Variants in UPB1 observed in about 807,000 individuals in gnomAD.
The protein encoded by UPB1 is beta-ureidopropionase 1, also known as beta-ureidopropionase.
Under a neutral mutation model 49.1 loss-of-function variants are expected in UPB1, and 40 were observed. The observed-to-expected ratio is 0.81, with a 90% CI of 0.63 to 1.06. UPB1 has a LOEUF of 1.06. Among genes scored for constraint, UPB1 ranks in the 50% least tolerant of loss-of-function variants. The probability of loss-of-function intolerance (pLI) is 0.00; values close to 1 mark genes in which losing one functional copy is unlikely to be tolerated. For synonymous variants in UPB1, 207 were observed against 198.2 expected, an observed-to-expected ratio of 1.04 and a Z score of -0.38; for missense variants, 499 against 505.9, an observed-to-expected ratio of 0.99 and a Z score of 0.13.
chr22:24,495,544 G>A, intron 1 of UPB1, 37 bp downstream of exon 1: 3 of 1,608,142 alleles, frequency 1.9e-6, no homozygotes, highest in Non-Finnish European at 2.6e-6. Flanking sequence ...GGGGTCTTGG[G>A]GCCACAGAGT....
In UPB1 at chr22:24,517,668, C is replaced by A. The variant is rs549250307; in HGVS notation, c.791+2298C>A. Among the ~76,000 whole-genome samples the A allele has an allele frequency of 1.4e-4, 21 of 152,336 alleles. No individual in the cohort carries two copies. In the East Asian group the frequency reaches 3.1e-3, roughly 22 times the overall value. On this transcript the variant is annotated intron_variant, in intron 6 of 9. Coordinates refer to ENST00000326010, the MANE Select transcript of UPB1 (RefSeq NM_016327.3). ...ATATAATTGCTATGTCCTCAGCAGCCTATTAGGCTTATTAAAAATGATTGA... is the reference window on the plus strand; with the variant it reads ...ATATAATTGCTATGTCCTCAGCAGCATATTAGGCTTATTAAAAATGATTGA...
chr22:24,496,264 G>A (rs1345395455), intron 1 of UPB1, among the ~76,000 whole-genome samples: 3 of 151,970 alleles, frequency 2.0e-5, no homozygotes, highest in Non-Finnish European at 4.4e-5. Flanking sequence ...CTAGCTACAT[G>A]GCAGGCTGAG....
In UPB1 at chr22:24,520,393, C is replaced by T; in HGVS notation, c.798C>T (p.Ser266=). The change falls in exon 7 of 10, where the codon TCC becomes TCT. Residue 266 remains serine, a synonymous_variant. Coordinates refer to ENST00000326010, the MANE Select transcript of UPB1 (RefSeq NM_016327.3). The stretch of plus-strand genomic sequence containing the variant: ...TCTTGGTCCTCTCTTACAGCGAGTC[C>T]CTGTGGCCCATCGAGGCCAGAAACG... ...PSATIGALSE[S]LWPIEARNAA... is the part of the protein sequence containing the mutation. The T allele has an allele frequency of 6.2e-7, 1 of 1,614,150 alleles. No individual in the cohort carries two copies. Among genetic ancestry groups the T allele is most frequent in the Non-Finnish European group, 8.5e-7 (1 of 1,180,006 alleles).
At chr22:24,506,209 C>G (rs1388659807) in intron 3 of UPB1, among the ~76,000 whole-genome samples, 1 of 147,722 alleles carries the variant, frequency 6.8e-6, no homozygotes, top group Admixed American at 6.8e-5. Context: ...TTAGTAGAGA[C>G]CAGGCTTCAC....
chr22:24,522,017 A>T lies in UPB1; in HGVS notation c.905A>T (p.Asp302Val). 2 of 1,613,994 alleles carry T rather than the reference A, an allele frequency of 1.2e-6. No homozygotes were observed. The highest frequency in any genetic ancestry group is 1.7e-6 in the Non-Finnish European group (2 of 1,180,004). Residue 302 changes from aspartate (D) to valine (V), a missense_variant, in exon 8 of 10, where the codon GAT becomes GTT. Coordinates refer to ENST00000326010, the MANE Select transcript of UPB1 (RefSeq NM_016327.3). ...TTCCCGAACGAGTTTACCTCGGGAGATGGAAAGAAAGGTATGTCCCATGAA... is the reference window on the plus strand; with the variant it reads ...TTCCCGAACGAGTTTACCTCGGGAGTTGGAAAGAAAGGTATGTCCCATGAA... ...EHFPNEFTSGDGKKAHQDFGY... is the reference protein window; with the variant it reads ...EHFPNEFTSGVGKKAHQDFGY...
Position 24,525,724 on chromosome 22 carries a change from A to G in UPB1, c.1085A>G (p.Tyr362Cys), listed in dbSNP as rs1036131976. The stretch of plus-strand genomic sequence containing the variant: ...TTTTGCTTTCAGATGACGGGCAGGT[A>G]TGAGATGTACGCACGGGAGCTCGCC... Reference protein sequence around the residue: ...DVWNFKMTGRYEMYARELAEA... With the variant: ...DVWNFKMTGRCEMYARELAEA... Residue 362 changes from tyrosine to cysteine, a missense_variant, in exon 10 of 10, where the codon TAT (tyrosine) becomes TGT (cysteine). Physicochemically the swap from Tyr to Cys is radical, Grantham distance 194. Transcript: ENST00000326010. 3.1e-6 allele frequency: 5 copies of G among 1,614,058 alleles called. No homozygotes were observed. The highest frequency in any genetic ancestry group is 4.2e-6 in the Non-Finnish European group (5 of 1,180,040).
intron 3 of UPB1, among the ~76,000 whole-genome samples, chr22:24,505,214 C>T (rs2044069472): frequency 6.6e-6 from 1 of 152,172 alleles, no homozygotes; most frequent in African/African-American, 2.4e-5. Flanking sequence ...GATATCTTCT[C>T]TTACCTCTAA....
chr22:24,496,388 C>CACACACACACACACAT (rs1361144218), intron 1 of UPB1, among the ~76,000 whole-genome samples: 1 of 137,944 alleles, frequency 7.2e-6, no homozygotes, highest in South Asian at 2.3e-4. Context: ...CACACACACA[C>CACACACACACACACAT]ACACACACAC....
At chr22:24,517,619 CAG>C (rs2044319778) in intron 6 of UPB1, among the ~76,000 whole-genome samples, 1 of 152,212 alleles carries the variant, frequency 6.6e-6, no homozygotes, top group African/African-American at 2.4e-5. Context: ...GTTAGGCAAA[CAG>C]AAGCACCCCA....
At chr22:24,525,689 T>C (rs1485709976) in intron 9 of UPB1, 22 bp from the exon 10 acceptor site, 2 of 1,613,918 alleles carry the variant, frequency 1.2e-6, no homozygotes, top group Non-Finnish European at 1.7e-6. Flanking sequence ...ACCTCTAAAG[T>C]ACATCTGTGT....
At chr22:24,519,271 AC>A (rs2044347345) in intron 6 of UPB1, among the ~76,000 whole-genome samples, 1 of 151,634 alleles carries the variant, frequency 6.6e-6, no homozygotes, top group Non-Finnish European at 1.5e-5. Flanking sequence ...ACAAGCACCC[AC>A]CCCCTCCACC....
rs112138667 is a variant in UPB1, at chr22:24,520,478, G to A, written c.873+10G>A. 74 of 1,613,140 alleles carry A rather than the reference G, an allele frequency of 4.6e-5. No homozygotes were observed. In the African/African-American group the frequency reaches 8.1e-4, roughly 18 times the overall value. Reference sequence around the variant, plus strand: ...CAATCGAGTGGGCACCGTAAGTCCCGAGGTCTGGCTGGGGAGAGGAGCCAC... The same window carrying A: ...CAATCGAGTGGGCACCGTAAGTCCCAAGGTCTGGCTGGGGAGAGGAGCCAC... On this transcript the variant is annotated intron_variant, in intron 7 of 9. Transcript: ENST00000326010.
At chr22:24,510,482 T>G (rs2044178956) in intron 3 of UPB1, among the ~76,000 whole-genome samples, 1 of 152,204 alleles carries the variant, frequency 6.6e-6, no homozygotes, top group African/African-American at 2.4e-5. Context: ...TGAATAATGT[T>G]CCTGTAAACA....
chr22:24,513,300 C>G (rs1339029295), intron 4 of UPB1, 24 bp from the exon 5 acceptor site: 3 of 1,614,162 alleles, frequency 1.9e-6, no homozygotes, highest in Non-Finnish European at 2.5e-6. Context: ...AAGTGGGACT[C>G]TGCCATATTT....
chr22:24,520,558 C>A, intron 7 of UPB1, 90 bp downstream of exon 7: 1 of 1,451,660 alleles, frequency 6.9e-7, no homozygotes, highest in Non-Finnish European at 9.5e-7. Flanking sequence ...TGCCACAAAT[C>A]CTAGGGTCCG....
At chr22:24,520,543 A>T in intron 7 of UPB1, 75 bp downstream of exon 7, 1 of 1,517,364 alleles carries the variant, frequency 6.6e-7, no homozygotes, top group Non-Finnish European at 9.0e-7. Context: ...TTCCCTCTGC[A>T]CACATGCCAC....
rs1452457720 is a variant in UPB1, at chr22:24,502,169, C to T, written c.320C>T (p.Ala107Val). 3.1e-6 allele frequency: 5 copies of T among 1,614,066 alleles called. No individual in the cohort carries two copies. The African/African-American group carries it at 6.7e-5, about 22-fold the overall frequency. ...CGCATAAAGGCTATCGTAGAGGTGG[C>T]TGCAATGTGTGGAGTCAACATCATC... ...HRRIKAIVEV[A>V]AMCGVNIICF... The change falls in exon 3 of 10, where the codon GCT becomes GTT. Residue 107 changes from alanine to valine, a missense_variant. By Grantham distance (64) the Ala-to-Val change is moderately conservative (BLOSUM62 0). Coordinates refer to ENST00000326010, the MANE Select transcript of UPB1 (RefSeq NM_016327.3).
chr22:24,500,407 G>GTTCTGCC (rs2043973255), intron 2 of UPB1, 129 bp downstream of exon 2: 1 of 1,260,220 alleles, frequency 7.9e-7, no homozygotes, highest in Non-Finnish European at 1.1e-6. Flanking sequence ...AGTAGCAGAG[G>GTTCTGCC]CGCTTCTGCC....
intron 8 of UPB1, among the ~76,000 whole-genome samples, chr22:24,522,449 C>T (rs5996711): frequency 6.6e-6 from 1 of 152,162 alleles, no homozygotes; most frequent in Non-Finnish European, 1.5e-5. Flanking sequence ...CCCTGGGTTT[C>T]TAGAGTCCAT....
Sources: gnomAD v4.1 joint callset for allele counts (sites outside exome capture counted in the v4.1 genomes callset) on GRCh38, gnomAD v4.1.1 for gene constraint, MANE v1.5 for transcripts, NCBI Gene and HGNC (gene_info 2026-07-23, HGNC 2026-07-21) for gene names.